The following SLC10A7 variants were observed in gnomAD, a reference collection of about 807,000 sequenced individuals.
SLC10A7 encodes the protein sodium/bile acid cotransporter 7.
Under a neutral mutation model 43.2 loss-of-function variants are expected in SLC10A7, and 29 were observed. That is an observed-to-expected ratio of 0.67 (90% CI 0.50 to 0.92). The LOEUF (loss-of-function observed/expected upper bound fraction) is 0.92. Ranked by LOEUF, SLC10A7 falls within the 40% of genes least tolerant of loss-of-function variation. The pLI is 0.00. For missense variants in SLC10A7, 295 were observed against 403.2 expected (o/e 0.73, Z 2.30); for synonymous variants, 152 against 144.8 (o/e 1.05, Z -0.35).
intron 5 of SLC10A7, among the ~76,000 whole-genome samples, chr4:146,388,740 C>T (rs1355779772): frequency 6.8e-6 from 1 of 146,400 alleles, no homozygotes; most frequent in Non-Finnish European, 1.5e-5. Flanking sequence ...GCCTGGTTGA[C>T]AGTGTGAGAC....
chr4:146,356,022 T>C (rs1403147357), intron 5 of SLC10A7, among the ~76,000 whole-genome samples: 12 of 124,412 alleles, frequency 9.6e-5, no homozygotes, highest in African/African-American at 3.2e-4. Flanking sequence ...ACATGTACCC[T>C]AAAACTTAAA....
At chr4:146,378,843 C>G (rs1385847) in intron 5 of SLC10A7, among the ~76,000 whole-genome samples, 77,464 of 151,988 alleles carry the variant, frequency 0.51, 20,086 homozygotes, top group East Asian at 0.63. Flanking sequence ...TTAGCCCCAT[C>G]CTTGGCAACT....
At chr4:146,426,691 C>T (rs1047061447) in intron 5 of SLC10A7, among the ~76,000 whole-genome samples, 13 of 152,140 alleles carry the variant, frequency 8.5e-5, no homozygotes, top group Non-Finnish European at 1.3e-4. Context: ...CTGGCTAATA[C>T]GGTGAAACCC....
chr4:146,482,971 C>A (rs1372350079), intron 4 of SLC10A7, among the ~76,000 whole-genome samples: 1 of 151,696 alleles, frequency 6.6e-6, no homozygotes, highest in Non-Finnish European at 1.5e-5. Flanking sequence ...AAACTGACAA[C>A]CAAGAATACT....
Position 146,289,502 on chromosome 4 carries a change from C to T in SLC10A7, c.773+3427G>A, listed in dbSNP as rs181101871. Reference sequence around the variant, plus strand: ...TTAAAAGATTTCCAATTACTGCTTTCCTTTTCTAAGCTTTTTCAATGTATG... The same window carrying T: ...TTAAAAGATTTCCAATTACTGCTTTTCTTTTCTAAGCTTTTTCAATGTATG... On this transcript the variant is annotated intron_variant, in intron 9 of 11. Coordinates refer to ENST00000335472, the MANE Select transcript of SLC10A7 (RefSeq NM_001029998.6). Among the ~76,000 whole-genome samples the T allele has an allele frequency of 1.9e-3, 288 of 152,004 alleles. 2 individuals are homozygous for T. The highest frequency in any genetic ancestry group is 6.7e-3 in the African/African-American group (278 of 41,488).
chr4:146,313,551 T>C (rs1408572474), intron 6 of SLC10A7, among the ~76,000 whole-genome samples: 1 of 152,142 alleles, frequency 6.6e-6, no homozygotes, highest in African/African-American at 2.4e-5. Context: ...GTTTTAGGTT[T>C]ATCATTTTAT....
At chr4:146,437,540 G>A (rs1344844627) in intron 5 of SLC10A7, among the ~76,000 whole-genome samples, 1 of 152,026 alleles carries the variant, frequency 6.6e-6, no homozygotes, top group African/African-American at 2.4e-5. Flanking sequence ...ATGAACTTTT[G>A]AGGTAAAACT....
Position 146,253,981 on chromosome 4 carries a change from T to A in SLC10A7, c.*2510A>T, listed in dbSNP as rs1727774933. On this transcript the variant is annotated 3_prime_UTR_variant, in exon 12 of 12. Transcript: ENST00000335472. ...GGTTAAAAATAAGCCACAGTTTCTC[T>A]TGTGATTTCTGAAACATTCTTTGTT... 1.3e-5 allele frequency: 2 copies of A among 152,232 alleles called. No homozygotes were observed. The highest frequency in any genetic ancestry group is 4.8e-5 in the African/African-American group (2 of 41,464). 9.4% of individuals were successfully genotyped at this position (152,232 alleles called of 1,614,324 possible).
At chr4:146,280,001 T>C (rs1416840395) in intron 10 of SLC10A7, among the ~76,000 whole-genome samples, 1 of 152,106 alleles carries the variant, frequency 6.6e-6, no homozygotes, top group Non-Finnish European at 1.5e-5. Context: ...CGAAGGTGTA[T>C]ATAAGAGAAT....
intron 6 of SLC10A7, among the ~76,000 whole-genome samples, chr4:146,314,003 C>T (rs1732157789): frequency 1.3e-5 from 2 of 152,112 alleles, no homozygotes; most frequent in South Asian, 2.1e-4. Flanking sequence ...TGTTTTAAAA[C>T]AAACTGTGTC....
At chr4:146,391,150 T>C (rs935014306) in intron 5 of SLC10A7, among the ~76,000 whole-genome samples, 2 of 152,202 alleles carry the variant, frequency 1.3e-5, no homozygotes, top group East Asian at 3.8e-4. Flanking sequence ...AAAAAGGACA[T>C]GTAGACCATA....
At chr4:146,390,790 G>A (rs893925748) in intron 5 of SLC10A7, among the ~76,000 whole-genome samples, 4 of 151,974 alleles carry the variant, frequency 2.6e-5, no homozygotes, top group African/African-American at 9.7e-5. Context: ...AAGTCTACTG[G>A]GTTTAAACTT....
chr4:146,350,599 A>G (rs2149742671), intron 5 of SLC10A7, among the ~76,000 whole-genome samples: 2 of 137,800 alleles, frequency 1.5e-5, no homozygotes, highest in Middle Eastern at 3.5e-3. Flanking sequence ...AAACAAAAAG[A>G]CAGCAGTAAC....
chr4:146,384,213 G>A (rs1016316982), intron 5 of SLC10A7, among the ~76,000 whole-genome samples: 1 of 151,958 alleles, frequency 6.6e-6, no homozygotes, highest in Non-Finnish European at 1.5e-5. Context: ...CTATTTGGTG[G>A]ATTAATACAG....
chr4:146,350,200 C>T (rs909163065), intron 5 of SLC10A7, among the ~76,000 whole-genome samples: 12 of 142,342 alleles, frequency 8.4e-5, no homozygotes, highest in Non-Finnish European at 1.2e-4. Flanking sequence ...CGAAGCAGGG[C>T]GAGGCATTGC....
intron 4 of SLC10A7, among the ~76,000 whole-genome samples, chr4:146,484,508 C>T (rs1225449380): frequency 1.3e-5 from 2 of 151,820 alleles, no homozygotes; most frequent in Non-Finnish European, 2.9e-5. Flanking sequence ...TTTAAAAAGT[C>T]AAACATAGAG....
At chr4:146,420,701 T>C (rs1393817471) in intron 5 of SLC10A7, among the ~76,000 whole-genome samples, 1 of 152,058 alleles carries the variant, frequency 6.6e-6, no homozygotes, top group Non-Finnish European at 1.5e-5. Context: ...GTCAGAGATT[T>C]AGGAAAATAT....
chr4:146,521,551 T>C (rs1738661359), intron 1 of SLC10A7, 67 bp downstream of exon 1: 7 of 1,398,508 alleles, frequency 5.0e-6, no homozygotes, highest in Non-Finnish European at 7.0e-6. Context: ...TGCCCCACCT[T>C]TCCAAGACTC....
chr4:146,466,672 C>A (rs1733066114), intron 4 of SLC10A7, among the ~76,000 whole-genome samples: 1 of 152,166 alleles, frequency 6.6e-6, no homozygotes, highest in Admixed American at 6.5e-5. Context: ...TGAGCACCTT[C>A]TATATGCCAG....
Sources: allele counts gnomAD v4.1 joint callset (sites outside exome capture counted in the v4.1 genomes callset), GRCh38; gene constraint gnomAD v4.1.1; transcripts MANE v1.5; gene names NCBI Gene and HGNC (gene_info 2026-07-23, HGNC 2026-07-21).